The following CLSTN2 variants were observed in gnomAD, a reference collection of about 807,000 sequenced individuals.
CLSTN2 encodes the protein calsyntenin-2.
Under a neutral mutation model 101.2 loss-of-function variants are expected in CLSTN2, and 48 were observed. The ratio of observed to expected loss-of-function variants is 0.47; its 90% CI spans 0.38 to 0.60. The LOEUF (loss-of-function observed/expected upper bound fraction) is 0.60, where lower values mean the gene tolerates loss of function less well. Among genes scored for constraint, CLSTN2 ranks in the 20% least tolerant of loss-of-function variants. CLSTN2 has a pLI of 0.00. For synonymous variants in CLSTN2, 481 were observed against 463.6 expected (o/e 1.04, Z -0.48); for missense variants, 1,160 against 1,238.2 (o/e 0.94, Z 0.95).
At chr3:139,949,912 A>C (rs1232169362) in intron 1 of CLSTN2, among the ~76,000 whole-genome samples, 2 of 152,220 alleles carry the variant, frequency 1.3e-5, no homozygotes, top group African/African-American at 2.4e-5. Context: ...GTCATTAAAA[A>C]CAATTTGCAA....
intron 1 of CLSTN2, among the ~76,000 whole-genome samples, chr3:140,147,869 G>A (rs2009803760): frequency 6.6e-6 from 1 of 152,160 alleles, no homozygotes; most frequent in Non-Finnish European, 1.5e-5. Context: ...CATATGAGGA[G>A]GTACTACTAC....
At chr3:140,353,079 A>T (rs1045895726) in intron 2 of CLSTN2, among the ~76,000 whole-genome samples, 7 of 152,162 alleles carry the variant, frequency 4.6e-5, no homozygotes, top group Non-Finnish European at 1.0e-4. Context: ...TATTATAAGT[A>T]ATCTAGAGAT....
At chr3:140,427,242 TA>T (rs2088582023) in intron 5 of CLSTN2, among the ~76,000 whole-genome samples, 3 of 127,380 alleles carry the variant, frequency 2.4e-5, no homozygotes, top group African/African-American at 1.0e-4. Flanking sequence ...TATATATATA[TA>T]TACATATATA....
chr3:140,074,436 G>T (rs1441669003), intron 1 of CLSTN2, among the ~76,000 whole-genome samples: 1 of 152,142 alleles, frequency 6.6e-6, no homozygotes, highest in Admixed American at 6.5e-5. Context: ...CAAAGGAGGT[G>T]CTTAATAAAT....
At chr3:140,330,049 A>G (rs142742404) in intron 2 of CLSTN2, among the ~76,000 whole-genome samples, 34 of 152,282 alleles carry the variant, frequency 2.2e-4, no homozygotes, top group Non-Finnish European at 4.4e-5. Context: ...TGGCTGCTTC[A>G]GGGGAATTAA....
intron 1 of CLSTN2, among the ~76,000 whole-genome samples, chr3:140,111,566 A>G (rs1233722412): frequency 1.3e-5 from 2 of 152,048 alleles, no homozygotes; most frequent in African/African-American, 4.8e-5. Context: ...CCTCTCTACA[A>G]GGGTTCCCTT....
chr3:140,072,342 G>C (rs7641873), intron 1 of CLSTN2, among the ~76,000 whole-genome samples: 3,362 of 152,192 alleles, frequency 0.022, 138 homozygotes, highest in African/African-American at 0.075. Context: ...TTTTTATTCT[G>C]TTGTTTCTCT....
intron 1 of CLSTN2, among the ~76,000 whole-genome samples, chr3:139,981,888 A>G (rs1029096733): frequency 7.2e-5 from 11 of 152,208 alleles, no homozygotes; most frequent in Non-Finnish European, 1.0e-4. Flanking sequence ...AGAGAAGGAA[A>G]TTCTGTCTGT....
At chr3:140,044,144 A>T (rs1396944749) in intron 1 of CLSTN2, among the ~76,000 whole-genome samples, 9 of 152,126 alleles carry the variant, frequency 5.9e-5, no homozygotes, top group Non-Finnish European at 1.3e-4. Context: ...CACGATATTG[A>T]TTCTTCCTAT....
At chr3:140,266,534 T>G (rs774076251) in intron 2 of CLSTN2, among the ~76,000 whole-genome samples, 1 of 152,320 alleles carries the variant, frequency 6.6e-6, no homozygotes, top group East Asian at 1.9e-4. Context: ...TATTCAAAGA[T>G]GCATCACTGG....
chr3:140,181,945 T>C (rs944901898), intron 2 of CLSTN2, among the ~76,000 whole-genome samples: 1 of 152,192 alleles, frequency 6.6e-6, no homozygotes, highest in South Asian at 2.1e-4. Flanking sequence ...CTTATGTCAT[T>C]GGAAGTACAA....
intron 1 of CLSTN2, among the ~76,000 whole-genome samples, chr3:140,116,115 A>G (rs1259896861): frequency 1.3e-5 from 2 of 152,116 alleles, no homozygotes; most frequent in African/African-American, 2.4e-5. Context: ...CTGAAGTGGG[A>G]ATATCAAGTG....
chr3:140,094,424 C>A (rs575852982), intron 1 of CLSTN2, among the ~76,000 whole-genome samples: 18 of 152,148 alleles, frequency 1.2e-4, no homozygotes, highest in Admixed American at 1.2e-3. Context: ...TTCTCCATGC[C>A]CTTTGAAAAA....
At chr3:140,245,155 C>T (rs1453594702) in intron 2 of CLSTN2, among the ~76,000 whole-genome samples, 2 of 152,158 alleles carry the variant, frequency 1.3e-5, no homozygotes, top group Non-Finnish European at 2.9e-5. Context: ...CCAGGGCTGG[C>T]AATGTGTTTT....
intron 1 of CLSTN2, among the ~76,000 whole-genome samples, chr3:140,064,133 T>C (rs72984114): frequency 0.09 from 13,631 of 152,270 alleles, 849 homozygotes; most frequent in African/African-American, 0.18. Flanking sequence ...AAGGAGGGCC[T>C]GCCCACTCCA....
At chr3:139,937,213 G>A (rs1935038375) in intron 1 of CLSTN2, among the ~76,000 whole-genome samples, 1 of 152,150 alleles carries the variant, frequency 6.6e-6, no homozygotes, top group South Asian at 2.1e-4. Flanking sequence ...AGCAAGTGCA[G>A]AACAGGGAAG....
intron 1 of CLSTN2, among the ~76,000 whole-genome samples, chr3:139,980,907 C>T (rs2107823560): frequency 6.6e-6 from 1 of 152,266 alleles, no homozygotes; most frequent in Admixed American, 6.5e-5. Flanking sequence ...AAGTGGTCCA[C>T]ACTGACTTCC....
intron 2 of CLSTN2, among the ~76,000 whole-genome samples, chr3:140,333,189 C>T (rs917369311): frequency 3.3e-5 from 5 of 152,152 alleles, no homozygotes; most frequent in Admixed American, 6.5e-5. Flanking sequence ...GAGCTTGTTG[C>T]CAAGGCATAT....
chr3:140,019,619 C>T (rs2007267527), intron 1 of CLSTN2, among the ~76,000 whole-genome samples: 1 of 151,966 alleles, frequency 6.6e-6, no homozygotes, highest in Admixed American at 6.6e-5. Context: ...CTGATTTTGG[C>T]AGGAGTCACT....
Sources: gnomAD v4.1 joint callset for allele counts (sites outside exome capture counted in the v4.1 genomes callset) on GRCh38, gnomAD v4.1.1 for gene constraint, MANE v1.5 for transcripts, NCBI Gene and HGNC (gene_info 2026-07-23, HGNC 2026-07-21) for gene names.